CPZ: variants seen among roughly 807,000 people sequenced by gnomAD.
CPZ encodes VEZT/CPZ fusion.
In CPZ, 103 loss-of-function variants were observed where a neutral mutation model predicts 61.8. That is an observed-to-expected ratio of 1.67 (90% CI 1.42 to 1.96). CPZ has a LOEUF of 1.96. Ranked by LOEUF, CPZ falls within the 30% of genes most tolerant of loss-of-function variation. CPZ has a pLI of 0.00. For missense variants in CPZ, 1,461 were observed against 914.9 expected (o/e 1.60, Z -7.70); for synonymous variants, 551 against 373.7 (o/e 1.47, Z -5.47).
At chr4:8,597,209 C>T (rs1433955726) in intron 1 of CPZ, among the ~76,000 whole-genome samples, 1 of 152,192 alleles carries the variant, frequency 6.6e-6, no homozygotes, top group Non-Finnish European at 1.5e-5. Context: ...CCGGTGCTCG[C>T]TCAGGGCCCT....
chr4:8,614,524 T>C (rs775333074), intron 9 of CPZ, 26 bp downstream of exon 9: 2 of 1,608,446 alleles, frequency 1.2e-6, no homozygotes, highest in South Asian at 2.2e-5. Context: ...CTCAGGGCTC[T>C]GGTCCAGCTG....
chr4:8,602,409 G>A lies in CPZ; in HGVS notation c.496+912G>A, dbSNP rs544477815. The A allele has an allele frequency of 1.8e-3, 269 of 152,504 alleles. 1 individual carries two copies. Among genetic ancestry groups the A allele is most frequent in the African/African-American group, 6.1e-3 (254 of 41,602 alleles). 9.4% of individuals were successfully genotyped at this position (152,504 alleles called of 1,614,324 possible). A position where few individuals can be genotyped will look rare whatever the true frequency, so the allele number is the denominator to read the frequency against. On this transcript the variant is annotated intron_variant, in intron 3 of 10. Transcript: ENST00000360986. The stretch of plus-strand genomic sequence containing the variant: ...GATGTGGCTCTTGCCACTGAGGCCT[G>A]GATGTGGGCGTTTCATCGCATTTGA...
In CPZ at chr4:8,619,515, C is replaced by G. The variant is rs778826067; in HGVS notation, c.1857C>G (p.Leu619=). The change falls in exon 11 of 11, where the codon CTC becomes CTG. Residue 619 remains leucine (L), a synonymous_variant. Coordinates refer to ENST00000360986, the MANE Select transcript of CPZ (RefSeq NM_001014447.3). ...SLGEATEPDP[L]RARRQPSADG... ...GGGAGGCCACGGAGCCCGACCCGCTCCGGGCGCGCAGGCAGCCCTCGGCCG... is the reference window on the plus strand; with the variant it reads ...GGGAGGCCACGGAGCCCGACCCGCTGCGGGCGCGCAGGCAGCCCTCGGCCG... 1 of 1,597,468 alleles carries G rather than the reference C, an allele frequency of 6.3e-7. No homozygotes were observed. The highest frequency in any genetic ancestry group is 1.7e-5 in the Admixed American group (1 of 58,358).
At position 8,610,937 on chromosome 4, in the gene CPZ, A is replaced by T. The variant is rs188019411; in HGVS notation, c.1228-1090A>T. On this transcript the variant is annotated intron_variant, in intron 7 of 10. Coordinates refer to ENST00000360986, the MANE Select transcript of CPZ (RefSeq NM_001014447.3). ...GAGTCCGAGTCTCATGACCCCCACC[A>T]GGGAGAGATCTTCACTCTGGCCTGG... 4.6e-5 allele frequency among the ~76,000 whole-genome samples: 7 copies of T among 151,990 alleles called. No individual in the cohort carries two copies. The East Asian group carries it at 1.4e-3, about 30-fold the overall frequency.
chr4:8,618,468 G>A lies in CPZ; in HGVS notation c.1543G>A (p.Gly515Ser), dbSNP rs138232433. Residue 515 changes from glycine to serine, a missense_variant, in exon 10 of 11, where the codon GGC becomes AGC. Transcript: ENST00000360986. ...CAAAGGTGTGGTGACAGATAAATTC[G>A]GCAAGCCAGTCAAAAACGCCCGGAT... ...GIKGVVTDKF[G>S]KPVKNARISV... 2.0e-4 allele frequency: 326 copies of A among 1,614,030 alleles called. No homozygotes were observed. Among genetic ancestry groups the A allele is most frequent in the African/African-American group, 8.0e-4 (60 of 74,916 alleles).
intron 1 of CPZ, among the ~76,000 whole-genome samples, chr4:8,597,915 G>A (rs1714299012): frequency 2.0e-5 from 3 of 152,350 alleles, no homozygotes; most frequent in South Asian, 2.1e-4. Context: ...GCCCCCGGCT[G>A]TGATGTGGCG....
chr4:8,600,505 G>A (rs1015485485), intron 2 of CPZ, among the ~76,000 whole-genome samples: 1 of 152,204 alleles, frequency 6.6e-6, no homozygotes. Flanking sequence ...GGCCGATGAG[G>A]GCCTTAAAGA....
chr4:8,606,815 A>G lies in CPZ; in HGVS notation c.985A>G (p.Thr329Ala). 1 of 1,614,114 alleles carries G rather than the reference A, an allele frequency of 6.2e-7. No individual in the cohort carries two copies. The highest frequency in any genetic ancestry group is 1.6e-4 in the Middle Eastern group (1 of 6,062). The change falls in exon 6 of 11, where the codon ACG (threonine) becomes GCG (alanine). Residue 329 changes from threonine (T) to alanine (A), a missense_variant. Transcript: ENST00000360986. ...TCTGAACCGAAATTTCCCGGACCTG[A>G]CGTCCGAGTACTACCGGCTGGCGGA... ...LDLNRNFPDLTSEYYRLAETR... is the reference protein window; with the variant it reads ...LDLNRNFPDLASEYYRLAETR...
At position 8,592,854 on chromosome 4, in the gene CPZ, G is replaced by T; in HGVS notation, c.21G>T (p.Leu7=). MPPPLP[L]LLLTVLVVAA... The stretch of plus-strand genomic sequence containing the variant: ...CCACCATGCCGCCCCCGCTGCCGCT[G>T]CTGCTCCTTACAGTCCTGGTCGTCG... The change falls in exon 1 of 11, where the codon CTG becomes CTT. Residue 7 remains leucine, a synonymous_variant. Coordinates refer to ENST00000360986, the MANE Select transcript of CPZ (RefSeq NM_001014447.3). 6.6e-7 allele frequency: 1 copy of T among 1,506,810 alleles called. No individual in the cohort carries two copies. The allele number at this position is 1,506,810 out of a possible 1,614,324, so 93.3% of individuals were successfully genotyped here. A position where few individuals can be genotyped will look rare whatever the true frequency, so the allele number is the denominator to read the frequency against.
chr4:8,607,495 T>C (rs1715140821), intron 7 of CPZ, 70 bp downstream of exon 7: 1 of 1,545,410 alleles, frequency 6.5e-7, no homozygotes, highest in Non-Finnish European at 8.8e-7. Flanking sequence ...CTGGTGCCCC[T>C]CCAGTCCTGA....
chr4:8,616,541 G>T (rs113638442), intron 9 of CPZ, among the ~76,000 whole-genome samples: 1 of 152,186 alleles, frequency 6.6e-6, no homozygotes, highest in African/African-American at 2.4e-5. Flanking sequence ...CCCCCAGTGT[G>T]GCTGGTCATC....
At chr4:8,611,611 A>G (rs968857431) in intron 7 of CPZ, among the ~76,000 whole-genome samples, 1 of 152,116 alleles carries the variant, frequency 6.6e-6, no homozygotes, top group Non-Finnish European at 1.5e-5. Context: ...GGCTTTGGAG[A>G]TGAAGTCGGG....
intron 9 of CPZ, 154 bp from the exon 10 acceptor site, chr4:8,618,275 A>C: frequency 4.6e-6 from 3 of 649,136 alleles, no homozygotes; most frequent in Non-Finnish European, 5.4e-6. Context: ...TGACTCGTTA[A>C]AGATGGCAGA....
chr4:8,609,576 G>T (rs1207377693), intron 7 of CPZ, among the ~76,000 whole-genome samples: 1 of 146,236 alleles, frequency 6.8e-6, no homozygotes, highest in Non-Finnish European at 1.5e-5. Context: ...TGCTCTTGGG[G>T]GCCATGGCTG....
At chr4:8,595,461 G>C (rs1052465526) in intron 1 of CPZ, among the ~76,000 whole-genome samples, 15 of 152,246 alleles carry the variant, frequency 9.9e-5, no homozygotes, top group African/African-American at 3.6e-4. Context: ...GCCTGGGAGA[G>C]GCAGAGGGTG....
intron 7 of CPZ, chr4:8,611,293 C>T (rs1242651150): frequency 2.2e-6 from 1 of 456,154 alleles, no homozygotes; most frequent in Non-Finnish European, 4.4e-6. Flanking sequence ...TTACAGACGG[C>T]CCAGAGCCCC....
intron 7 of CPZ, among the ~76,000 whole-genome samples, chr4:8,610,256 C>G (rs1560299162): frequency 6.6e-6 from 1 of 152,224 alleles, no homozygotes; most frequent in Non-Finnish European, 1.5e-5. Context: ...TGCGCCCAGC[C>G]TCTGGACCGA....
At chr4:8,617,674 C>T (rs1716295742) in intron 9 of CPZ, among the ~76,000 whole-genome samples, 1 of 152,184 alleles carries the variant, frequency 6.6e-6, no homozygotes, top group Admixed American at 6.5e-5. Context: ...AGGGCCCGGG[C>T]AGGGGGCAGC....
chr4:8,596,019 A>G (rs9714726), intron 1 of CPZ, among the ~76,000 whole-genome samples: 9 of 150,682 alleles, frequency 6.0e-5, no homozygotes, highest in Non-Finnish European at 1.2e-4. Context: ...AGACCTGCAG[A>G]CTTCCAGCCT....
Sources: allele counts gnomAD v4.1 joint callset (sites outside exome capture counted in the v4.1 genomes callset), GRCh38; gene constraint gnomAD v4.1.1; transcripts MANE v1.5; gene names NCBI Gene and HGNC (gene_info 2026-07-23, HGNC 2026-07-21).